The following PAX7 variants were observed in gnomAD, a reference collection of about 807,000 sequenced individuals.
PAX7 encodes paired box 7.
PAX7 carries 18 observed loss-of-function variants against 50.7 expected under a neutral mutation model. That is an observed-to-expected ratio of 0.36 (90% CI 0.25 to 0.53). The LOEUF (loss-of-function observed/expected upper bound fraction) is 0.53. Among genes scored for constraint, PAX7 ranks in the 20% least tolerant of loss-of-function variants. The probability of loss-of-function intolerance (pLI) is 0.93; values close to 1 mark genes in which losing one functional copy is unlikely to be tolerated. For synonymous variants in PAX7, 310 were observed against 290.4 expected, an observed-to-expected ratio of 1.07 and a Z score of -0.69; for missense variants, 644 against 702.9, an observed-to-expected ratio of 0.92 and a Z score of 0.95.
intron 7 of PAX7, among the ~76,000 whole-genome samples, chr1:18,709,004 T>G (rs114028847): frequency 0.011 from 1,711 of 152,292 alleles, 21 homozygotes; most frequent in Non-Finnish European, 0.018. Flanking sequence ...TCCCTTGGGT[T>G]GAAGGCTGCA....
intron 4 of PAX7, among the ~76,000 whole-genome samples, chr1:18,675,861 C>T (rs1434219356): frequency 2.6e-5 from 4 of 152,044 alleles, no homozygotes; most frequent in Admixed American, 6.5e-5. Flanking sequence ...GTCCCGGCAG[C>T]GGGGAGATGC....
rs2089693424 is a variant in PAX7 at position 18,735,091 on chromosome 1, G to A, written c.1156-541G>A. Among the ~76,000 whole-genome samples, 2 of 152,174 alleles carry A rather than the reference G, an allele frequency of 1.3e-5. No individual in the cohort carries two copies. Among genetic ancestry groups the A allele is most frequent in the South Asian group, 4.2e-4 (2 of 4,816 alleles). ...AGCATTGGCTGTGGGCTTCAGTGTC[G>A]AAGGGGCAGGAACCTCAGAGTCCGG... On this transcript the variant is annotated intron_variant, in intron 7 of 8. Transcript: ENST00000420770. The surrounding 1 kb of genome is among the most constrained non-coding windows in gnomAD (Gnocchi z 4.0).
At chr1:18,706,010 A>G (rs769422119) in intron 7 of PAX7, among the ~76,000 whole-genome samples, 1 of 152,174 alleles carries the variant, frequency 6.6e-6, no homozygotes, top group Non-Finnish European at 1.5e-5. Context: ...GCTTCTGTGC[A>G]TGTAAACCGC....
At chr1:18,671,408 C>G (rs553012010) in intron 4 of PAX7, among the ~76,000 whole-genome samples, 1 of 152,336 alleles carries the variant, frequency 6.6e-6, no homozygotes, top group East Asian at 1.9e-4. Flanking sequence ...TTTAGCAGAA[C>G]TGTACAATGC....
At chr1:18,678,405 T>TAA (rs111834517) in intron 4 of PAX7, among the ~76,000 whole-genome samples, 52 of 144,764 alleles carry the variant, frequency 3.6e-4, no homozygotes, top group African/African-American at 1.3e-3. Flanking sequence ...ATCTCAAAAA[T>TAA]AAAAAAAAAA....
At position 18,691,778 on chromosome 1, in the gene PAX7, A is replaced by C. The variant is rs1393453644; in HGVS notation, c.611A>C (p.Asp204Ala). ...DKGNRLDEGS[D>A]VESEPDLPLK... ...GGGAACCGGCTGGACGAGGGCTCGG[A>C]TGTGGAGTCGGAACCTGACCTCCCA... The change falls in exon 5 of 9, where the codon GAT (aspartate) becomes GCT (alanine). Residue 204 changes from aspartate to alanine, a missense_variant. Asp to Ala is a moderately radical substitution (Grantham distance 126, BLOSUM62 -2). Transcript: ENST00000420770. The C allele has an allele frequency of 6.3e-7, 1 of 1,594,736 alleles. No homozygotes were observed. Among genetic ancestry groups the C allele is most frequent in the Admixed American group, 1.8e-5 (1 of 56,834 alleles).
chr1:18,652,243 C>T (rs2088444778), intron 4 of PAX7, among the ~76,000 whole-genome samples: 1 of 152,112 alleles, frequency 6.6e-6, no homozygotes, highest in Non-Finnish European at 1.5e-5. Context: ...GCCCCCTTCT[C>T]TTCCCCGCCC....
intron 4 of PAX7, among the ~76,000 whole-genome samples, chr1:18,689,053 G>A (rs1423106771): frequency 6.6e-6 from 1 of 152,190 alleles, no homozygotes; most frequent in Non-Finnish European, 1.5e-5. Context: ...TCTGAGGACA[G>A]TCTCTGCCCA....
intron 8 of PAX7, among the ~76,000 whole-genome samples, chr1:18,739,144 C>G (rs182664085): frequency 6.6e-6 from 1 of 152,240 alleles, no homozygotes; most frequent in Non-Finnish European, 1.5e-5. Context: ...ATGTCATTCT[C>G]TAAGTTATTT....
At chr1:18,639,828 C>T (rs2088222258) in intron 4 of PAX7, among the ~76,000 whole-genome samples, 2 of 152,118 alleles carry the variant, frequency 1.3e-5, no homozygotes, top group Non-Finnish European at 2.9e-5. Flanking sequence ...GACAGTGCAC[C>T]AGTTTAAGCC....
At chr1:18,633,725 T>TCTAG (rs992959507) in intron 1 of PAX7, among the ~76,000 whole-genome samples, 1 of 152,196 alleles carries the variant, frequency 6.6e-6, no homozygotes, top group Non-Finnish European at 1.5e-5. Flanking sequence ...CTGGGACAGT[T>TCTAG]CCACGGCTCT....
intron 7 of PAX7, among the ~76,000 whole-genome samples, chr1:18,704,386 C>T (rs1468722202): frequency 1.3e-5 from 2 of 152,092 alleles, no homozygotes; most frequent in Non-Finnish European, 2.9e-5. Context: ...TTTGGGAGGC[C>T]GAGGCGGGTG....
chr1:18,708,121 G>A (rs889824127), intron 7 of PAX7, among the ~76,000 whole-genome samples: 3 of 152,092 alleles, frequency 2.0e-5, no homozygotes, highest in African/African-American at 7.2e-5. Flanking sequence ...AGAGATGTAG[G>A]GAAAAGGAAT....
intron 1 of PAX7, among the ~76,000 whole-genome samples, chr1:18,633,594 A>G (rs1468876939): frequency 6.6e-6 from 1 of 152,142 alleles, no homozygotes; most frequent in Non-Finnish European, 1.5e-5. Context: ...TCCCAAAACG[A>G]AATTAGGACT....
intron 7 of PAX7, among the ~76,000 whole-genome samples, chr1:18,704,424 C>T (rs2100330511): frequency 6.6e-6 from 1 of 152,274 alleles, no homozygotes; most frequent in South Asian, 2.1e-4. Context: ...AGTTCGAGAC[C>T]AGCCTGGCCA....
chr1:18,702,043 G>A (rs922814048), intron 6 of PAX7, among the ~76,000 whole-genome samples: 3 of 152,010 alleles, frequency 2.0e-5, no homozygotes, highest in Non-Finnish European at 4.4e-5. Flanking sequence ...CTTGATATTG[G>A]CCTCATGGGC....
intron 4 of PAX7, among the ~76,000 whole-genome samples, chr1:18,642,522 C>A (rs2088271717): frequency 6.6e-6 from 1 of 152,232 alleles, no homozygotes; most frequent in Non-Finnish European, 1.5e-5. Flanking sequence ...AATAGCTCTT[C>A]TCTCCCTCCC....
At position 18,700,332 on chromosome 1, in the gene PAX7, C is replaced by T. The variant is rs2089202120; in HGVS notation, c.787-321C>T. 6.6e-6 allele frequency among the ~76,000 whole-genome samples: 1 copy of T among 152,042 alleles called. No homozygotes were observed. Reference sequence around the variant, plus strand: ...GCAGCTGCAGAGGAAAGAGCACTGGCCTGAGAGCCACACAGGACTGGCTGG... The same window carrying T: ...GCAGCTGCAGAGGAAAGAGCACTGGTCTGAGAGCCACACAGGACTGGCTGG... On this transcript the variant is annotated intron_variant, in intron 5 of 8. Transcript: ENST00000420770. The surrounding 1 kb of genome is among the most constrained non-coding windows in gnomAD (Gnocchi z 4.8).
intron 5 of PAX7, among the ~76,000 whole-genome samples, chr1:18,698,854 C>G (rs1024899959): frequency 6.6e-6 from 1 of 152,264 alleles, no homozygotes; most frequent in African/African-American, 2.4e-5. Context: ...AGCCTGCAAG[C>G]TGAACGCTGC....
Sources: gnomAD v4.1 joint callset for allele counts (sites outside exome capture counted in the v4.1 genomes callset) on GRCh38, gnomAD v4.1.1 for gene constraint, Gnocchi (gnomAD v3.1) non-coding constraint, MANE v1.5 for transcripts, NCBI Gene and HGNC (gene_info 2026-07-23, HGNC 2026-07-21) for gene names.